The following SYT10 variants were observed in gnomAD, a reference collection of about 807,000 sequenced individuals.
SYT10 encodes the protein synaptotagmin-10.
In SYT10, 31 loss-of-function variants were observed where a neutral mutation model predicts 51.1. That is an observed-to-expected ratio of 0.61 (90% CI 0.46 to 0.82). The LOEUF (loss-of-function observed/expected upper bound fraction) is 0.82, where lower values mean the gene tolerates loss of function less well. SYT10 is among the 40% of genes least tolerant of loss of function. The pLI is 0.00. For missense variants in SYT10, 603 were observed against 634.0 expected (o/e 0.95, Z 0.53); for synonymous variants, 233 against 225.9 (o/e 1.03, Z -0.28).
At chr12:33,380,551 C>A (rs1206697581) in intron 5 of SYT10, among the ~76,000 whole-genome samples, 1 of 152,148 alleles carries the variant, frequency 6.6e-6, no homozygotes, top group Admixed American at 6.5e-5. Context: ...GTCCTGCTTT[C>A]ATAGCAATGA....
intron 1 of SYT10, among the ~76,000 whole-genome samples, chr12:33,438,443 A>G (rs534486133): frequency 6.6e-6 from 1 of 152,332 alleles, no homozygotes; most frequent in African/African-American, 2.4e-5. Context: ...GCGCCCGAGG[A>G]GCACAGCAGG....
chr12:33,380,088 C>G, intron 5 of SYT10, 127 bp from the exon 6 acceptor site: 3 of 957,554 alleles, frequency 3.1e-6, no homozygotes, highest in Non-Finnish European at 1.5e-6. Flanking sequence ...GATTATGCTA[C>G]TTCAGACCGA....
intron 3 of SYT10, among the ~76,000 whole-genome samples, chr12:33,386,341 T>G (rs905623555): frequency 3.0e-4 from 45 of 152,188 alleles, no homozygotes; most frequent in Non-Finnish European, 5.9e-5. Context: ...GTTTATGTCA[T>G]CTGGGCCCTA....
chr12:33,409,130 T>A (rs748005603), intron 2 of SYT10, among the ~76,000 whole-genome samples: 1 of 152,154 alleles, frequency 6.6e-6, no homozygotes, highest in Non-Finnish European at 1.5e-5. Context: ...CTGTTGTCTA[T>A]TGCAGCAGGT....
At chr12:33,392,952 G>T (rs1039165252) in intron 3 of SYT10, among the ~76,000 whole-genome samples, 2 of 106,940 alleles carry the variant, frequency 1.9e-5, no homozygotes, top group Non-Finnish European at 3.5e-5. Context: ...ATAACTACTA[G>T]TTTGGTGCAA....
chr12:33,409,524 T>G (rs529889939), intron 2 of SYT10, among the ~76,000 whole-genome samples: 6 of 151,640 alleles, frequency 4.0e-5, no homozygotes, highest in Admixed American at 3.3e-4. Flanking sequence ...TTTTCTTTTT[T>G]TTTTTTTGAG....
intron 3 of SYT10, among the ~76,000 whole-genome samples, chr12:33,404,684 AC>A (rs918712164): frequency 4.3e-4 from 65 of 152,218 alleles, no homozygotes; most frequent in African/African-American, 1.5e-3. Flanking sequence ...GAGCCACCAC[AC>A]CTGGCCCCAT....
In SYT10 at chr12:33,407,097, C is replaced by G; in HGVS notation, c.769G>C (p.Asp257His). The G allele has an allele frequency of 6.2e-7, 1 of 1,613,694 alleles. No individual in the cohort carries two copies. The highest frequency in any genetic ancestry group is 8.5e-7 in the Non-Finnish European group (1 of 1,179,890). Reference sequence around the variant, plus strand: ...CCTGTGAAGTCTTTAGCAGGGAGATCTAAAGCTTTGATAATTTTAACAACT... The same window carrying G: ...CCTGTGAAGTCTTTAGCAGGGAGATGTAAAGCTTTGATAATTTTAACAACT... ...LLVVKIIKAL[D>H]LPAKDFTGTS... is the part of the protein sequence containing the mutation. Residue 257 changes from aspartate (D) to histidine (H), a missense_variant, in exon 3 of 7, where the codon GAT becomes CAT. Physicochemically the swap from Asp to His is moderately conservative, Grantham distance 81 (BLOSUM62 -1). Coordinates refer to ENST00000228567, the MANE Select transcript of SYT10 (RefSeq NM_198992.4).
intron 3 of SYT10, among the ~76,000 whole-genome samples, chr12:33,392,607 C>T (rs1275724898): frequency 1.3e-5 from 2 of 152,014 alleles, no homozygotes; most frequent in Non-Finnish European, 2.9e-5. Flanking sequence ...TTTCTGCCTT[C>T]TCTACTTGAA....
intron 3 of SYT10, among the ~76,000 whole-genome samples, chr12:33,397,722 C>A (rs1866268941): frequency 6.6e-6 from 1 of 151,958 alleles, no homozygotes. Context: ...GGGAAGAGAG[C>A]CCTCTTCCCC....
chr12:33,438,848 G>T (rs1400759389), intron 1 of SYT10, among the ~76,000 whole-genome samples: 3 of 152,264 alleles, frequency 2.0e-5, no homozygotes, highest in South Asian at 2.1e-4. Context: ...GCAGCCGCGG[G>T]TTACCTCGGA....
intron 2 of SYT10, among the ~76,000 whole-genome samples, chr12:33,409,591 G>T (rs1420504634): frequency 2.6e-5 from 4 of 151,180 alleles, no homozygotes; most frequent in Non-Finnish European, 5.9e-5. Flanking sequence ...TCGGCTCACT[G>T]CGAGCTCCGC....
rs117034718 is a variant in SYT10, at chr12:33,381,193, G to A, written c.1370+1156C>T. 9.5e-3 allele frequency among the ~76,000 whole-genome samples: 1,446 copies of A among 152,124 alleles called. 19 individuals are homozygous for A. The highest frequency in any genetic ancestry group is 0.017 in the Non-Finnish European group (1,141 of 68,000). On this transcript the variant is annotated intron_variant, in intron 5 of 6. Transcript: ENST00000228567. ...GAAATTTCAATGGATTCAAGAGTTC[G>A]CTCTCTCTTTCTAAATAGTAGTCAC...
rs1866549845 is a variant in SYT10, at chr12:33,426,159, G to A, written c.488C>T (p.Thr163Ile). The change falls in exon 2 of 7, where the codon ACT becomes ATT. Residue 163 changes from threonine (T) to isoleucine (I), a missense_variant. Thr to Ile is a moderately conservative substitution (Grantham distance 89, BLOSUM62 -1). Coordinates refer to ENST00000228567, the MANE Select transcript of SYT10 (RefSeq NM_198992.4). ...IKHARVQRQI[T>I]EPTSSTRHSS... ...TTACCGGGTTGATGACGTAGGCTCA[G>A]TAATTTGTCTTTGCACACGTGCATG... is the stretch of plus-strand genomic sequence containing the variant. 6.2e-7 allele frequency: 1 copy of A among 1,606,104 alleles called. No individual in the cohort carries two copies. The highest frequency in any genetic ancestry group is 8.5e-7 in the Non-Finnish European group (1 of 1,177,998).
chr12:33,383,415 A>G (rs1010936755), intron 4 of SYT10, among the ~76,000 whole-genome samples: 3 of 152,092 alleles, frequency 2.0e-5, no homozygotes, highest in Non-Finnish European at 4.4e-5. Context: ...AATTTATTTG[A>G]GCATGTGAAT....
chr12:33,405,196 G>C (rs1308775196), intron 3 of SYT10: 4 of 151,962 alleles, frequency 2.6e-5, no homozygotes, highest in African/African-American at 7.2e-5. Flanking sequence ...AATATTTGTT[G>C]AATAAATAAA....
At chr12:33,387,747 G>GTTTTT (rs34524429) in intron 3 of SYT10, among the ~76,000 whole-genome samples, 1,902 of 122,532 alleles carry the variant, frequency 0.016, 78 homozygotes, top group Admixed American at 0.053. Flanking sequence ...CTTCTAACAT[G>GTTTTT]TTTTTTTTTT....
At chr12:33,403,789 A>AT (rs5797533) in intron 3 of SYT10, among the ~76,000 whole-genome samples, 1,507 of 150,134 alleles carry the variant, frequency 0.01, 25 homozygotes, top group African/African-American at 0.03. Context: ...CACATACATC[A>AT]TTTTTTTTTT....
At chr12:33,400,765 C>A (rs1386511450) in intron 3 of SYT10, among the ~76,000 whole-genome samples, 1 of 152,144 alleles carries the variant, frequency 6.6e-6, no homozygotes, top group Non-Finnish European at 1.5e-5. Context: ...GTGGCTCACG[C>A]CTGTAATCCC....
Sources: allele counts gnomAD v4.1 joint callset (sites outside exome capture counted in the v4.1 genomes callset), GRCh38; gene constraint gnomAD v4.1.1; transcripts MANE v1.5; gene names NCBI Gene and HGNC (gene_info 2026-07-23, HGNC 2026-07-21).